The following CELF4 variants were observed in gnomAD, a reference collection of about 807,000 sequenced individuals.
CELF4 encodes the protein CUGBP Elav-like family member 4.
A neutral mutation model predicts 59.9 loss-of-function variants in CELF4; 18 were observed. That is an observed-to-expected ratio of 0.30 (90% CI 0.21 to 0.45). CELF4 has a LOEUF of 0.45. Among genes scored for constraint, CELF4 ranks in the 20% least tolerant of loss-of-function variants. CELF4 has a pLI of 1.00. For missense variants in CELF4, 456 were observed against 689.0 expected (o/e 0.66, Z 3.79); for synonymous variants, 261 against 267.1 (o/e 0.98, Z 0.22).
At chr18:37,456,118 A>G (rs1255534489) in intron 2 of CELF4, among the ~76,000 whole-genome samples, 1 of 152,160 alleles carries the variant, frequency 6.6e-6, no homozygotes, top group Non-Finnish European at 1.5e-5. Context: ...GTCCTGCTTC[A>G]GTGCTGGCAC....
At chr18:37,341,129 A>T (rs2098008494) in intron 2 of CELF4, among the ~76,000 whole-genome samples, 3 of 152,346 alleles carry the variant, frequency 2.0e-5, no homozygotes, top group Middle Eastern at 3.4e-3. Flanking sequence ...GTGAGGTTTC[A>T]GGGCAGGATT....
chr18:37,265,112 G>T (rs112963990), intron 9 of CELF4, among the ~76,000 whole-genome samples: 3,810 of 149,700 alleles, frequency 0.025, 167 homozygotes, highest in African/African-American at 0.09. Context: ...CAAGTGTGTG[G>T]GTGTGTGTGT....
intron 3 of CELF4, among the ~76,000 whole-genome samples, chr18:37,285,623 A>G (rs1050078066): frequency 3.3e-5 from 5 of 152,102 alleles, no homozygotes; most frequent in African/African-American, 1.2e-4. Context: ...GGAGAAGCTG[A>G]GCCTTGGGAT....
intron 3 of CELF4, among the ~76,000 whole-genome samples, chr18:37,288,759 G>T (rs1208168359): frequency 6.6e-6 from 1 of 152,170 alleles, no homozygotes; most frequent in Non-Finnish European, 1.5e-5. Flanking sequence ...TTGTGAGGGG[G>T]AGAGTTTGCT....
At chr18:37,519,740 T>C (rs980183639) in intron 1 of CELF4, among the ~76,000 whole-genome samples, 1 of 152,204 alleles carries the variant, frequency 6.6e-6, no homozygotes, top group African/African-American at 2.4e-5. Context: ...GCTCTGCACC[T>C]CTGTGATTTA....
intron 2 of CELF4, among the ~76,000 whole-genome samples, 167 bp from the exon 3 acceptor site, chr18:37,322,048 C>T (rs548464061): frequency 6.6e-5 from 10 of 152,338 alleles, no homozygotes; most frequent in East Asian, 3.9e-4. Flanking sequence ...AAGTGCTGCC[C>T]GTCTCCCCTC....
intron 2 of CELF4, among the ~76,000 whole-genome samples, chr18:37,363,438 G>T (rs1306954284): frequency 2.0e-5 from 3 of 152,254 alleles, no homozygotes; most frequent in Non-Finnish European, 4.4e-5. Flanking sequence ...TTCTCTTAGA[G>T]CCTTACAACT....
intron 2 of CELF4, among the ~76,000 whole-genome samples, chr18:37,467,673 TCACA>T (rs1326200392): frequency 1.3e-5 from 2 of 152,204 alleles, no homozygotes; most frequent in African/African-American, 4.8e-5. Context: ...TTCCCCCAAG[TCACA>T]CAGCTGCCAG....
intron 2 of CELF4, among the ~76,000 whole-genome samples, chr18:37,457,669 C>T (rs915716971): frequency 6.6e-6 from 1 of 152,144 alleles, no homozygotes; most frequent in African/African-American, 2.4e-5. Flanking sequence ...GCCCGAAGAC[C>T]ATCTCCACTT....
At chr18:37,279,907 G>A (rs967783842) in intron 3 of CELF4, among the ~76,000 whole-genome samples, 1 of 152,198 alleles carries the variant, frequency 6.6e-6, no homozygotes, top group South Asian at 2.1e-4. Context: ...AGCCTCATGG[G>A]GTCCCTTGAT....
intron 2 of CELF4, among the ~76,000 whole-genome samples, chr18:37,362,342 C>T (rs949159918): frequency 7.9e-5 from 12 of 152,216 alleles, no homozygotes; most frequent in African/African-American, 2.9e-4. Flanking sequence ...GTTGCGGACG[C>T]ATCACTCCCC....
chr18:37,498,400 C>T (rs531425005), intron 1 of CELF4, among the ~76,000 whole-genome samples: 99 of 137,320 alleles, frequency 7.2e-4, no homozygotes, highest in Non-Finnish European at 1.3e-3. Flanking sequence ...CTCCCCTTCT[C>T]TTCCCTCCTC....
chr18:37,300,377 A>G (rs1360899913), intron 3 of CELF4, among the ~76,000 whole-genome samples: 1 of 152,126 alleles, frequency 6.6e-6, no homozygotes, highest in Admixed American at 6.5e-5. Context: ...GGCACCTGCC[A>G]CCGCACTTGG....
intron 3 of CELF4, among the ~76,000 whole-genome samples, chr18:37,312,287 G>A (rs2096702989): frequency 6.6e-6 from 1 of 151,978 alleles, no homozygotes; most frequent in African/African-American, 2.4e-5. Context: ...TGACCATCAA[G>A]GAAGTCATAC....
intron 1 of CELF4, among the ~76,000 whole-genome samples, chr18:37,506,259 G>T (rs1020094880): frequency 6.6e-6 from 1 of 152,200 alleles, no homozygotes; most frequent in African/African-American, 2.4e-5. Context: ...ATAATTAGCA[G>T]TGGCAAAAAT....
At chr18:37,360,673 G>T (rs1300119481) in intron 2 of CELF4, among the ~76,000 whole-genome samples, 1 of 152,218 alleles carries the variant, frequency 6.6e-6, no homozygotes. Flanking sequence ...CTTCATGCCT[G>T]CAGGCTTCTT....
Position 37,353,233 on chromosome 18 carries a change from A to AAAATATATATAT in CELF4, c.370-31353_370-31352insATATATATATTT, listed in dbSNP as rs71168258. On this transcript the variant is annotated intron_variant, in intron 2 of 12. Coordinates refer to ENST00000420428, the MANE Select transcript of CELF4 (RefSeq NM_020180.4). ...GAGACTCCGTCTCAAAAAAAAAAAA[A>AAAATATATATAT]ATATATATATATATATACATAAAAG... Among the ~76,000 whole-genome samples the AAAATATATATAT allele has an allele frequency of 5.4e-3, 580 of 106,904 alleles. 9 individuals carry two copies. The highest frequency in any genetic ancestry group is 0.017 in the African/African-American group (488 of 28,114). The allele number at this position is 106,904 out of a possible 152,430, so 70.1% of individuals were successfully genotyped here.
chr18:37,484,621 C>A (rs966834153), intron 2 of CELF4, among the ~76,000 whole-genome samples: 2 of 152,204 alleles, frequency 1.3e-5, no homozygotes, highest in African/African-American at 4.8e-5. Context: ...GGAAGGCTGC[C>A]CCCGCCCGGG....
chr18:37,364,606 C>G (rs546091434), intron 2 of CELF4, among the ~76,000 whole-genome samples: 2 of 152,240 alleles, frequency 1.3e-5, no homozygotes, highest in African/African-American at 4.8e-5. Context: ...CCGAACTCAG[C>G]AGTGCATACT....
Sources: gnomAD v4.1 joint callset for allele counts (sites outside exome capture counted in the v4.1 genomes callset) on GRCh38, gnomAD v4.1.1 for gene constraint, MANE v1.5 for transcripts, NCBI Gene and HGNC (gene_info 2026-07-23, HGNC 2026-07-21) for gene names.